The following CAMTA1 variants were observed in gnomAD, a reference collection of about 807,000 sequenced individuals.
CAMTA1 encodes the protein calmodulin binding transcription activator 1, also known as calmodulin-binding transcription activator 1.
CAMTA1 carries 27 observed loss-of-function variants against 170.9 expected under a neutral mutation model. That is an observed-to-expected ratio of 0.16 (90% CI 0.12 to 0.22). CAMTA1 has a LOEUF of 0.22. Among genes scored for constraint, CAMTA1 ranks in the 10% least tolerant of loss-of-function variants. The probability of loss-of-function intolerance (pLI) is 1.00; values close to 1 mark genes in which losing one functional copy is unlikely to be tolerated. For synonymous variants in CAMTA1, 833 were observed against 891.5 expected (o/e 0.93, Z 1.17); for missense variants, 1,619 against 2,217.2 (o/e 0.73, Z 5.42).
At chr1:6,952,561 T>C (rs1688697255) in intron 3 of CAMTA1, among the ~76,000 whole-genome samples, 1 of 149,564 alleles carries the variant, frequency 6.7e-6, no homozygotes, top group South Asian at 2.1e-4. Context: ...TTTGGCCAGG[T>C]GTGTCTCACG....
At chr1:6,921,107 C>T (rs898577436) in intron 3 of CAMTA1, among the ~76,000 whole-genome samples, 5 of 152,216 alleles carry the variant, frequency 3.3e-5, no homozygotes, top group African/African-American at 1.2e-4. Flanking sequence ...TGCTGTTTCC[C>T]TTTTGAAACT....
At chr1:7,303,032 A>C (rs1675023569) in intron 5 of CAMTA1, among the ~76,000 whole-genome samples, 2 of 152,134 alleles carry the variant, frequency 1.3e-5, no homozygotes, top group African/African-American at 4.8e-5. Context: ...GTCCTCATTC[A>C]TGACTGAGGA....
chr1:7,056,853 C>T (rs1255800045), intron 3 of CAMTA1, among the ~76,000 whole-genome samples: 1 of 152,114 alleles, frequency 6.6e-6, no homozygotes, highest in Non-Finnish European at 1.5e-5. Flanking sequence ...CTTTCCCTCC[C>T]AAAGCTATAG....
intron 5 of CAMTA1, among the ~76,000 whole-genome samples, chr1:7,432,189 G>A (rs2092191858): frequency 6.6e-6 from 1 of 152,216 alleles, no homozygotes; most frequent in Non-Finnish European, 1.5e-5. Flanking sequence ...GGGTATGCTA[G>A]GTGCCAGGAG....
At chr1:7,407,975 C>T (rs985487300) in intron 5 of CAMTA1, among the ~76,000 whole-genome samples, 2 of 152,194 alleles carry the variant, frequency 1.3e-5, no homozygotes, top group Non-Finnish European at 2.9e-5. Context: ...GCCAGAAGTT[C>T]TCAACAAACA....
chr1:7,731,157 G>A (rs1395252518), intron 11 of CAMTA1, among the ~76,000 whole-genome samples: 1 of 152,096 alleles, frequency 6.6e-6, no homozygotes, highest in African/African-American at 2.4e-5. Flanking sequence ...TAGTAAAGTG[G>A]TACAGAATCA....
At chr1:7,095,841 C>T (rs184949267) in intron 4 of CAMTA1, among the ~76,000 whole-genome samples, 12 of 152,170 alleles carry the variant, frequency 7.9e-5, no homozygotes, top group African/African-American at 2.2e-4. Context: ...GGCAGGGAAC[C>T]GGGCTGAGCC....
chr1:7,203,502 T>TTA (rs1558242704), intron 4 of CAMTA1, among the ~76,000 whole-genome samples: 1 of 151,610 alleles, frequency 6.6e-6, no homozygotes, highest in Non-Finnish European at 1.5e-5. Context: ...TTTTTTTTTT[T>TTA]TTTTAAATTG....
At chr1:7,708,490 T>A (rs1395805548) in intron 11 of CAMTA1, among the ~76,000 whole-genome samples, 1 of 152,182 alleles carries the variant, frequency 6.6e-6, no homozygotes, top group African/African-American at 2.4e-5. Context: ...AGCAAGACCC[T>A]GATTCAAAAA....
Position 7,331,778 on chromosome 1 carries a change from A to T in CAMTA1, c.438+82152A>T, listed in dbSNP as rs193016105. Reference sequence around the variant, plus strand: ...GTTTTCTACCTCTTTGACCTTCTCAACTGCAATGGATGGGGACATGGGGAA... The same window carrying T: ...GTTTTCTACCTCTTTGACCTTCTCATCTGCAATGGATGGGGACATGGGGAA... On this transcript the variant is annotated intron_variant, in intron 5 of 22. Coordinates refer to ENST00000303635, the MANE Select transcript of CAMTA1 (RefSeq NM_015215.4). 1.4e-3 allele frequency among the ~76,000 whole-genome samples: 208 copies of T among 152,280 alleles called. 1 individual carries two copies. The highest frequency in any genetic ancestry group is 4.8e-3 in the African/African-American group (198 of 41,550).
chr1:7,310,674 TTC>T (rs1479122753), intron 5 of CAMTA1, among the ~76,000 whole-genome samples: 1 of 32,114 alleles, frequency 3.1e-5, no homozygotes, highest in African/African-American at 2.0e-4. Context: ...TTTCTTTCCT[TTC>T]TTTCTCTCTC....
intron 16 of CAMTA1, among the ~76,000 whole-genome samples, chr1:7,743,215 TG>T (rs2096831138): frequency 6.6e-6 from 1 of 152,140 alleles, no homozygotes; most frequent in South Asian, 2.1e-4. Flanking sequence ...TGTTCTTTGA[TG>T]AAAATTTATA....
chr1:7,644,111 G>A (rs1254587047), intron 7 of CAMTA1, among the ~76,000 whole-genome samples: 8 of 152,032 alleles, frequency 5.3e-5, no homozygotes, highest in Non-Finnish European at 8.8e-5. Flanking sequence ...TCACAATGTC[G>A]TGCTCCCCAG....
chr1:7,285,201 G>A (rs1036745332), intron 5 of CAMTA1, among the ~76,000 whole-genome samples: 11 of 152,216 alleles, frequency 7.2e-5, no homozygotes, highest in African/African-American at 2.7e-4. Context: ...CACTGATGAT[G>A]AGAAAATGAG....
intron 9 of CAMTA1, among the ~76,000 whole-genome samples, chr1:7,666,978 T>C (rs1443707749): frequency 1.1e-4 from 16 of 152,102 alleles, no homozygotes; most frequent in Admixed American, 1.0e-3. Context: ...AACCTCCGCC[T>C]CCCAGGTTCA....
intron 4 of CAMTA1, among the ~76,000 whole-genome samples, chr1:7,121,604 T>C (rs1487658808): frequency 1.3e-5 from 2 of 152,198 alleles, no homozygotes; most frequent in African/African-American, 4.8e-5. Context: ...TAGGCACTGA[T>C]GGGCTATGGG....
Position 7,558,268 on chromosome 1 carries a change from C to T in CAMTA1, c.511-82132C>T. ...AGGGCCCCCGCCCGCTGCCTCTGCT[C>T]CTGTGGGACTGGATTCAATACCAAC... On this transcript the variant is annotated intron_variant, in intron 6 of 22. Transcript: ENST00000303635. Among the ~76,000 whole-genome samples the T allele has an allele frequency of 1.3e-5, 2 of 152,234 alleles. 1 individual carries two copies. The highest frequency in any genetic ancestry group is 2.9e-5 in the Non-Finnish European group (2 of 68,044).
At chr1:7,304,681 T>G (rs1675315394) in intron 5 of CAMTA1, among the ~76,000 whole-genome samples, 1 of 151,994 alleles carries the variant, frequency 6.6e-6, no homozygotes, top group South Asian at 2.1e-4. Context: ...TTGAACATAC[T>G]TCTTTTCTAT....
chr1:7,678,938 C>G (rs563501895), intron 11 of CAMTA1, among the ~76,000 whole-genome samples: 1 of 152,362 alleles, frequency 6.6e-6, no homozygotes, highest in South Asian at 2.1e-4. Flanking sequence ...AGTGTGTAAA[C>G]CTCAGCCTTA....
Sources: allele counts gnomAD v4.1 joint callset (sites outside exome capture counted in the v4.1 genomes callset), GRCh38; gene constraint gnomAD v4.1.1; transcripts MANE v1.5; gene names NCBI Gene and HGNC (gene_info 2026-07-23, HGNC 2026-07-21).